ZNF710: variants seen among roughly 807,000 people sequenced by gnomAD.
ZNF710 encodes zinc finger protein 710.
ZNF710 carries 13 observed loss-of-function variants against 50.6 expected under a neutral mutation model. That is an observed-to-expected ratio of 0.26 (90% CI 0.17 to 0.41). ZNF710 has a LOEUF of 0.41. ZNF710 is among the 10% of genes least tolerant of loss of function. The pLI, the probability that ZNF710 is intolerant of heterozygous loss-of-function variation, is 1.00. For missense variants in ZNF710, 721 were observed against 936.6 expected, an observed-to-expected ratio of 0.77 and a Z score of 3.01; for synonymous variants, 383 against 397.0, an observed-to-expected ratio of 0.96 and a Z score of 0.42.
At chr15:90,065,522 C>T (rs1445330448) in intron 1 of ZNF710, among the ~76,000 whole-genome samples, 1 of 152,186 alleles carries the variant, frequency 6.6e-6, no homozygotes, top group Non-Finnish European at 1.5e-5. Flanking sequence ...GCTCCAGGAG[C>T]AGGTGGACCT....
At chr15:90,070,920 T>C (rs551491111) in intron 2 of ZNF710, among the ~76,000 whole-genome samples, 145 of 152,366 alleles carry the variant, frequency 9.5e-4, no homozygotes, top group African/African-American at 3.2e-3. Context: ...GGTGACAGCA[T>C]ATATGCTATA....
chr15:90,015,134 A>C (rs923984805), intron 1 of ZNF710, among the ~76,000 whole-genome samples: 3 of 151,896 alleles, frequency 2.0e-5, no homozygotes, highest in East Asian at 1.9e-4. Context: ...CAGGTGATCC[A>C]CCCGCCTCAG....
At chr15:90,042,539 C>G (rs1567231340) in intron 1 of ZNF710, among the ~76,000 whole-genome samples, 1 of 152,202 alleles carries the variant, frequency 6.6e-6, no homozygotes, top group Non-Finnish European at 1.5e-5. Context: ...CACTCAGCCT[C>G]TCTGCTCCCC....
rs976824085 is a variant in ZNF710 at position 90,040,337 on chromosome 15, T to C, written c.-28-26773T>C. Among the ~76,000 whole-genome samples the C allele has an allele frequency of 6.6e-6, 1 of 152,208 alleles. No individual in the cohort carries two copies. The highest frequency in any genetic ancestry group is 2.4e-5 in the African/African-American group (1 of 41,448). On this transcript the variant is annotated intron_variant, in intron 1 of 4. Transcript: ENST00000268154. The surrounding 1 kb of genome is among the most constrained non-coding windows in gnomAD (Gnocchi z 4.6). The stretch of plus-strand genomic sequence containing the variant: ...CCAGTCTCCAGGGAGGTGTCCTTAG[T>C]GCTCCGGATGGGGTTGTTAAAGCCA...
At chr15:90,017,545 C>T (rs1453525883) in intron 1 of ZNF710, among the ~76,000 whole-genome samples, 1 of 151,924 alleles carries the variant, frequency 6.6e-6, no homozygotes, top group Admixed American at 6.6e-5. Context: ...GAGGAATGCT[C>T]TCGGGGGTAG....
intron 1 of ZNF710, among the ~76,000 whole-genome samples, chr15:90,003,065 G>C: frequency 6.6e-6 from 1 of 152,136 alleles, no homozygotes; most frequent in East Asian, 1.9e-4. Context: ...TAGGAGAGAC[G>C]GGGTTTCACC....
chr15:90,026,445 A>G (rs559209378), intron 1 of ZNF710, among the ~76,000 whole-genome samples: 1 of 152,278 alleles, frequency 6.6e-6, no homozygotes, highest in African/African-American at 2.4e-5. Context: ...TTATCGAAGC[A>G]TTGCCCCTCT....
chr15:90,024,625 A>T (rs1226967329), intron 1 of ZNF710, among the ~76,000 whole-genome samples: 1 of 152,244 alleles, frequency 6.6e-6, no homozygotes, highest in Non-Finnish European at 1.5e-5. Flanking sequence ...TGGGTCCCCC[A>T]GGAACTACTC....
At chr15:90,028,381 G>A (rs748065315) in intron 1 of ZNF710, among the ~76,000 whole-genome samples, 1 of 152,132 alleles carries the variant, frequency 6.6e-6, no homozygotes, top group African/African-American at 2.4e-5. Context: ...GTGCTCCAAG[G>A]GTGTCTCTGC....
chr15:90,037,365 A>G (rs146065268), intron 1 of ZNF710, among the ~76,000 whole-genome samples: 2 of 152,298 alleles, frequency 1.3e-5, no homozygotes, highest in Admixed American at 1.3e-4. Flanking sequence ...AGGGCTTTCG[A>G]AAGTGTCAGG....
chr15:90,033,045 A>G (rs927491849), intron 1 of ZNF710, among the ~76,000 whole-genome samples: 1 of 152,216 alleles, frequency 6.6e-6, no homozygotes, highest in Admixed American at 6.5e-5. Context: ...GTGCCCCACA[A>G]AAGTATGGGC....
At chr15:90,028,513 C>T (rs1024643342) in intron 1 of ZNF710, among the ~76,000 whole-genome samples, 1 of 152,152 alleles carries the variant, frequency 6.6e-6, no homozygotes, top group African/African-American at 2.4e-5. Context: ...TACCAATGGC[C>T]TCCTGTTTAA....
chr15:90,067,981 G>C lies in ZNF710; in HGVS notation c.844G>C (p.Asp282His). Reference sequence around the variant, plus strand: ...GCTGGACATCAACGTGCAGATTGACGACTCCTATCTGGTGGAGGCGGGCGA... The same window carrying C: ...GCTGGACATCAACGTGCAGATTGACCACTCCTATCTGGTGGAGGCGGGCGA... ...DRLDINVQID[D>H]SYLVEAGDRQ... Residue 282 changes from aspartate (D) to histidine (H), a missense_variant, in exon 2 of 5, where the codon GAC becomes CAC. Asp to His is a moderately conservative substitution (Grantham distance 81, BLOSUM62 -1). This residue lies in a region of ZNF710 where 326 missense variants were observed against 522.0 expected (regional missense o/e 0.62). Transcript: ENST00000268154. This position sits in a 1 kb window ranked among gnomAD's most constrained non-coding sequence, Gnocchi z 8.1. 6.2e-7 allele frequency: 1 copy of C among 1,614,182 alleles called. No homozygotes were observed. Among genetic ancestry groups the C allele is most frequent in the Non-Finnish European group, 8.5e-7 (1 of 1,180,042 alleles).
intron 1 of ZNF710, among the ~76,000 whole-genome samples, chr15:90,046,783 G>A (rs1899476215): frequency 6.6e-6 from 1 of 152,198 alleles, no homozygotes; most frequent in African/African-American, 2.4e-5. Flanking sequence ...CTCTGAGTCT[G>A]GGTGACCAAG....
At chr15:90,015,446 C>G (rs1898426999) in intron 1 of ZNF710, among the ~76,000 whole-genome samples, 1 of 152,094 alleles carries the variant, frequency 6.6e-6, no homozygotes, top group Non-Finnish European at 1.5e-5. Context: ...TTTCTCTTAA[C>G]AGATAAATTG....
In ZNF710 at chr15:90,068,600, G is replaced by A; in HGVS notation, c.1458+5G>A. On this transcript the variant is annotated splice_donor_5th_base_variant and intron_variant, in intron 2 of 4. Transcript: ENST00000268154. The surrounding 1 kb of genome is among the most constrained non-coding windows in gnomAD (Gnocchi z 5.0). ...CAGCACTCCCTCACCCACAAGGTAAGGCCGTTCCCAGGGCCTGGGCATCTG... is the reference window on the plus strand; with the variant it reads ...CAGCACTCCCTCACCCACAAGGTAAAGCCGTTCCCAGGGCCTGGGCATCTG... 1 of 1,579,536 alleles carries A rather than the reference G, an allele frequency of 6.3e-7. No individual in the cohort carries two copies. The highest frequency in any genetic ancestry group is 2.2e-5 in the East Asian group (1 of 44,534).
chr15:90,044,881 G>A (rs1287554321), intron 1 of ZNF710, among the ~76,000 whole-genome samples: 1 of 152,238 alleles, frequency 6.6e-6, no homozygotes, highest in South Asian at 2.1e-4. Context: ...ACTGTGGTCT[G>A]AGGAGTAAAG....
chr15:90,018,472 T>C (rs990676949), intron 1 of ZNF710, among the ~76,000 whole-genome samples: 1 of 151,878 alleles, frequency 6.6e-6, no homozygotes, highest in East Asian at 1.9e-4. Flanking sequence ...CCAGCTGGGG[T>C]TTTCCTACCG....
chr15:90,078,226 A>G (rs79655513), intron 4 of ZNF710, among the ~76,000 whole-genome samples: 2 of 149,502 alleles, frequency 1.3e-5, no homozygotes, highest in Non-Finnish European at 3.0e-5. Context: ...AAAAAAAAAA[A>G]AAGAAGAGAA....
Sources: gnomAD v4.1 joint callset for allele counts (sites outside exome capture counted in the v4.1 genomes callset) on GRCh38, gnomAD v4.1.1 for gene constraint, gnomAD v4.1.1 regional missense constraint, Gnocchi (gnomAD v3.1) non-coding constraint, MANE v1.5 for transcripts, NCBI Gene and HGNC (gene_info 2026-07-23, HGNC 2026-07-21) for gene names.